Variants in RBFOX1 observed in about 807,000 individuals in gnomAD.
RBFOX1 encodes the protein RNA binding protein fox-1 homolog 1.
In RBFOX1, 8 loss-of-function variants were observed where a neutral mutation model predicts 57.7. The ratio of observed to expected loss-of-function variants is 0.14; its 90% CI spans 0.08 to 0.25. The LOEUF (loss-of-function observed/expected upper bound fraction) is 0.25, where lower values mean the gene tolerates loss of function less well. Ranked by LOEUF, RBFOX1 falls within the 10% of genes least tolerant of loss-of-function variation. RBFOX1 has a pLI of 1.00. For missense variants in RBFOX1, 611 were observed against 548.5 expected, an observed-to-expected ratio of 1.11 and a Z score of -1.14; for synonymous variants, 326 against 222.4, an observed-to-expected ratio of 1.47 and a Z score of -4.15.
intron 13 of RBFOX1, among the ~76,000 whole-genome samples, chr16:7,674,654 GT>G (rs1336615810): frequency 6.6e-6 from 1 of 152,218 alleles, no homozygotes; most frequent in Non-Finnish European, 1.5e-5. Context: ...AACTGGCCAA[GT>G]CATATGCAAA....
intron 3 of RBFOX1, among the ~76,000 whole-genome samples, chr16:6,670,951 G>C (rs1401112011): frequency 1.3e-5 from 2 of 152,286 alleles, no homozygotes; most frequent in East Asian, 1.9e-4. Context: ...AGCGAGCCGA[G>C]ATCGTGCCAC....
intron 4 of RBFOX1, among the ~76,000 whole-genome samples, chr16:7,260,656 T>C (rs925539386): frequency 2.6e-5 from 4 of 151,994 alleles, no homozygotes; most frequent in African/African-American, 9.7e-5. Flanking sequence ...ATTCCATTAG[T>C]TTATTGATTT....
intron 3 of RBFOX1, among the ~76,000 whole-genome samples, chr16:6,978,518 G>C (rs2087740113): frequency 6.6e-6 from 1 of 152,174 alleles, no homozygotes; most frequent in African/African-American, 2.4e-5. Context: ...AGAAAGGGAA[G>C]CTGAGGTTCA....
At chr16:6,138,685 G>T (rs1188364472) in intron 1 of RBFOX1, among the ~76,000 whole-genome samples, 1 of 152,108 alleles carries the variant, frequency 6.6e-6, no homozygotes, top group Non-Finnish European at 1.5e-5. Flanking sequence ...GGCTAACATG[G>T]TGAAACCCCG....
intron 3 of RBFOX1, among the ~76,000 whole-genome samples, chr16:6,947,165 A>T (rs1270450712): frequency 1.3e-5 from 2 of 152,164 alleles, no homozygotes; most frequent in Non-Finnish European, 2.9e-5. Flanking sequence ...CCAATAAATC[A>T]CTGGCTGTGA....
chr16:6,578,237 G>C (rs17140636), intron 2 of RBFOX1, among the ~76,000 whole-genome samples: 7,039 of 152,112 alleles, frequency 0.046, 547 homozygotes, highest in African/African-American at 0.16. Context: ...GAAAACTTTT[G>C]CAAGTCATCA....
At chr16:7,294,078 T>G (rs1375375358) in intron 4 of RBFOX1, among the ~76,000 whole-genome samples, 1 of 152,202 alleles carries the variant, frequency 6.6e-6, no homozygotes, top group Non-Finnish European at 1.5e-5. Flanking sequence ...GAGAATCTTC[T>G]GCAGGCTTTG....
intron 1 of RBFOX1, among the ~76,000 whole-genome samples, chr16:5,399,215 G>C (rs1390541423): frequency 1.3e-5 from 2 of 152,152 alleles, no homozygotes; most frequent in Non-Finnish European, 2.9e-5. Context: ...AAATGGGCAC[G>C]TGATAATGCC....
At chr16:6,968,321 A>G (rs1021940690) in intron 3 of RBFOX1, among the ~76,000 whole-genome samples, 6 of 152,218 alleles carry the variant, frequency 3.9e-5, no homozygotes, top group Non-Finnish European at 7.3e-5. Context: ...GCAGCGATGG[A>G]AACAATGCAA....
intron 1 of RBFOX1, among the ~76,000 whole-genome samples, chr16:6,270,460 CAA>C (rs60224616): frequency 0.21 from 23,626 of 114,516 alleles, 1,916 homozygotes; most frequent in Non-Finnish European, 0.24. Flanking sequence ...GATTTAAGAG[CAA>C]AAAAAAAAAA....
chr16:7,497,200 C>T (rs763957522), intron 4 of RBFOX1, among the ~76,000 whole-genome samples: 1 of 152,200 alleles, frequency 6.6e-6, no homozygotes, highest in Non-Finnish European at 1.5e-5. Context: ...TTCTGATTCT[C>T]TTCCTATGCC....
chr16:6,826,305 G>C (rs2092128408), intron 3 of RBFOX1, among the ~76,000 whole-genome samples: 1 of 152,122 alleles, frequency 6.6e-6, no homozygotes, highest in Admixed American at 6.6e-5. Flanking sequence ...TTGAGTCCAG[G>C]AGTTCAAGAC....
intron 3 of RBFOX1, among the ~76,000 whole-genome samples, chr16:5,614,377 C>G (rs550310694): frequency 1.3e-5 from 2 of 152,168 alleles, no homozygotes; most frequent in East Asian, 3.9e-4. Context: ...TGGTTATCCT[C>G]CCTGAGTCCA....
At chr16:5,310,645 C>T (rs2064062526) in intron 1 of RBFOX1, among the ~76,000 whole-genome samples, 1 of 152,162 alleles carries the variant, frequency 6.6e-6, no homozygotes, top group Non-Finnish European at 1.5e-5. Flanking sequence ...AATTTATGAA[C>T]AACTTGAACA....
At chr16:5,479,715 C>T (rs149032195) in intron 2 of RBFOX1, among the ~76,000 whole-genome samples, 16 of 152,132 alleles carry the variant, frequency 1.1e-4, no homozygotes, top group African/African-American at 3.6e-4. Flanking sequence ...TCCAAGATCG[C>T]GCCATTCCAG....
chr16:6,227,495 T>A (rs2097426764), intron 1 of RBFOX1, among the ~76,000 whole-genome samples: 1 of 151,842 alleles, frequency 6.6e-6, no homozygotes, highest in Non-Finnish European at 1.5e-5. Flanking sequence ...CATTTGGGAG[T>A]GGCCGTGGAG....
chr16:6,967,839 C>G (rs1385545624), intron 3 of RBFOX1, among the ~76,000 whole-genome samples: 4 of 152,116 alleles, frequency 2.6e-5, no homozygotes, highest in Admixed American at 6.5e-5. Context: ...GGTTTAGAAG[C>G]AACCAGACAT....
chr16:6,078,365 A>G (rs1461155397), intron 1 of RBFOX1, among the ~76,000 whole-genome samples: 4 of 152,178 alleles, frequency 2.6e-5, no homozygotes, highest in African/African-American at 9.7e-5. Context: ...TTGTCCAACA[A>G]TAATTCATAA....
intron 3 of RBFOX1, among the ~76,000 whole-genome samples, chr16:6,913,449 A>C (rs977710415): frequency 4.6e-5 from 7 of 152,092 alleles, no homozygotes; most frequent in Admixed American, 6.6e-5. Context: ...ATCCCCCACC[A>C]GACCCTGAGC....
Sources: gnomAD v4.1 joint callset for allele counts (sites outside exome capture counted in the v4.1 genomes callset) on GRCh38, gnomAD v4.1.1 for gene constraint, MANE v1.5 for transcripts, NCBI Gene and HGNC (gene_info 2026-07-23, HGNC 2026-07-21) for gene names.